Variants in SOAT1 observed in about 807,000 individuals in gnomAD.
SOAT1 encodes the protein sterol O-acyltransferase 1, also known as acyl-coenzyme A:cholesterol acyltransferase 1.
Under a neutral mutation model 69.5 loss-of-function variants are expected in SOAT1, and 55 were observed. That is an observed-to-expected ratio of 0.79 (90% CI 0.64 to 0.99). SOAT1 has a LOEUF of 0.99. Ranked by LOEUF, SOAT1 falls within the 50% of genes least tolerant of loss-of-function variation. The pLI is 0.00. For synonymous variants in SOAT1, 231 were observed against 224.7 expected (o/e 1.03, Z -0.25); for missense variants, 580 against 669.3 (o/e 0.87, Z 1.47).
chr1:179,355,285 CTTAAAA>C lies in SOAT1; in HGVS notation c.*1651_*1656del, dbSNP rs918020445. 6.6e-6 allele frequency: 1 copy of C among 152,046 alleles called. No individual in the cohort carries two copies. Among genetic ancestry groups the C allele is most frequent in the Non-Finnish European group, 1.5e-5 (1 of 67,994 alleles). The allele number at this position is 152,046 out of a possible 1,614,324, so 9.4% of individuals were successfully genotyped here. ...ATGGCTTGTAATTCTTGACATTTTT[CTTAAAA>C]TTAAAACGAATTTTTATTTTGAATT... On this transcript the variant is annotated 3_prime_UTR_variant, in exon 16 of 16. Transcript: ENST00000367619.
chr1:179,303,371 G>A (rs1024557862), intron 2 of SOAT1, among the ~76,000 whole-genome samples: 4 of 152,138 alleles, frequency 2.6e-5, no homozygotes, highest in African/African-American at 9.7e-5. Flanking sequence ...TTGTTGTTAA[G>A]GTCAAGGTTT....
intron 2 of SOAT1, among the ~76,000 whole-genome samples, chr1:179,311,966 TC>T: frequency 6.6e-6 from 1 of 152,332 alleles, no homozygotes. Flanking sequence ...GGCTACTCTT[TC>T]CTCTGACACA....
rs1666844526 is a variant in SOAT1 at position 179,354,460 on chromosome 1, A to G, written c.*819A>G. ...AATCATGTGTTTAAATTATTTTATC[A>G]CAAACTTAACATGGAAGATATTCCT... is the stretch of plus-strand genomic sequence containing the variant. On this transcript the variant is annotated 3_prime_UTR_variant, in exon 16 of 16. Transcript: ENST00000367619. 1 of 152,228 alleles carries G rather than the reference A, an allele frequency of 6.6e-6. No individual in the cohort carries two copies. The allele number at this position is 152,228 out of a possible 1,614,324, so 9.4% of individuals were successfully genotyped here. A position where few individuals can be genotyped will look rare whatever the true frequency, so the allele number is the denominator to read the frequency against.
chr1:179,312,026 A>G (rs1665236188), intron 2 of SOAT1, among the ~76,000 whole-genome samples: 1 of 152,204 alleles, frequency 6.6e-6, no homozygotes, highest in Non-Finnish European at 1.5e-5. Context: ...AGAAACATAG[A>G]AGACATTTAA....
Position 179,350,369 on chromosome 1 carries a change from C to G in SOAT1, c.1388C>G (p.Ala463Gly). The G allele has an allele frequency of 3.7e-6, 6 of 1,613,940 alleles. 1 individual carries two copies. Among genetic ancestry groups the G allele is most frequent in the Non-Finnish European group, 3.4e-6 (4 of 1,179,918 alleles). Reference protein sequence around the residue: ...FAVSAVVHEYALAVCLSFFYP... With the variant: ...FAVSAVVHEYGLAVCLSFFYP... ...GTATCTGCTGTAGTACACGAATATG[C>G]CTTGGCTGTTTGCTTGAGCTTTTTC... The change falls in exon 14 of 16, where the codon GCC (alanine) becomes GGC (glycine). Residue 463 changes from alanine (A) to glycine (G), a missense_variant. Coordinates refer to ENST00000367619, the MANE Select transcript of SOAT1 (RefSeq NM_003101.6).
At chr1:179,311,061 C>A (rs1411675372) in intron 2 of SOAT1, among the ~76,000 whole-genome samples, 1 of 151,980 alleles carries the variant, frequency 6.6e-6, no homozygotes, top group Non-Finnish European at 1.5e-5. Flanking sequence ...ATCTCAGTTT[C>A]TTTATTTTAA....
At chr1:179,316,797 T>C (rs967998248) in intron 2 of SOAT1, among the ~76,000 whole-genome samples, 1 of 152,206 alleles carries the variant, frequency 6.6e-6, no homozygotes, top group Non-Finnish European at 1.5e-5. Flanking sequence ...TCAAATATTA[T>C]CTCTCTGTAT....
intron 5 of SOAT1, 108 bp downstream of exon 5, chr1:179,338,004 C>A: frequency 1.5e-6 from 1 of 669,244 alleles, no homozygotes; most frequent in Non-Finnish European, 2.4e-6. Context: ...CTGTATAAAT[C>A]ATTAGTGGGT....
intron 1 of SOAT1, among the ~76,000 whole-genome samples, chr1:179,299,933 T>C (rs1006632599): frequency 6.6e-6 from 1 of 150,776 alleles, no homozygotes; most frequent in Non-Finnish European, 1.5e-5. Context: ...TTTTTTTTTT[T>C]TGTATTTTTC....
intron 11 of SOAT1, among the ~76,000 whole-genome samples, chr1:179,346,805 T>C (rs540629781): frequency 1.3e-5 from 2 of 152,212 alleles, no homozygotes; most frequent in Non-Finnish European, 2.9e-5. Context: ...TGCAGTAGCT[T>C]GCACCGGTAG....
rs538692121 is a variant in SOAT1 at position 179,345,885 on chromosome 1, C to T, written c.1117+809C>T. On this transcript the variant is annotated intron_variant, in intron 11 of 15. Transcript: ENST00000367619. ...ATTTCTTATTTTCCTCCTGTCTTTC[C>T]GACCATACCTTGATTTCTTAAATAT... 1.6e-4 allele frequency among the ~76,000 whole-genome samples: 24 copies of T among 151,126 alleles called. 1 individual carries two copies. The South Asian group carries it at 3.4e-3, about 21-fold the overall frequency.
At chr1:179,333,774 G>T (rs1183517343) in intron 3 of SOAT1, among the ~76,000 whole-genome samples, 1 of 145,256 alleles carries the variant, frequency 6.9e-6, no homozygotes, top group East Asian at 2.2e-4. Flanking sequence ...TGGAGGTTGC[G>T]GTGAGCTAGT....
chr1:179,324,491 A>G (rs1665711283), intron 3 of SOAT1, among the ~76,000 whole-genome samples: 1 of 152,220 alleles, frequency 6.6e-6, no homozygotes, highest in Non-Finnish European at 1.5e-5. Context: ...ACTGCAATGT[A>G]ATTCCTTATG....
At chr1:179,321,415 C>A (rs6425533) in intron 2 of SOAT1, among the ~76,000 whole-genome samples, 1 of 152,002 alleles carries the variant, frequency 6.6e-6, no homozygotes, top group Non-Finnish European at 1.5e-5. Context: ...ACTGATCCTC[C>A]CCACTTGGCC....
chr1:179,314,244 G>A (rs1188425666), intron 2 of SOAT1, among the ~76,000 whole-genome samples: 4 of 152,168 alleles, frequency 2.6e-5, no homozygotes, highest in Admixed American at 2.6e-4. Flanking sequence ...AGATCCTGAA[G>A]GGAGGGTTTG....
At chr1:179,327,076 C>T (rs935581746) in intron 3 of SOAT1, among the ~76,000 whole-genome samples, 3 of 152,180 alleles carry the variant, frequency 2.0e-5, no homozygotes, top group Non-Finnish European at 4.4e-5. Flanking sequence ...TTTATATACA[C>T]AATCTTACTT....
rs201449849 is a variant in SOAT1, at chr1:179,351,021, CTTTTTTTTTTTTTTTT to C, written c.1451-272_1451-257del. Among the ~76,000 whole-genome samples, 20 of 127,586 alleles carry C rather than the reference CTTTTTTTTTTTTTTTT, an allele frequency of 1.6e-4. 1 individual carries two copies. The highest frequency in any genetic ancestry group is 5.0e-4 in the South Asian group (2 of 4,032). The allele number at this position is 127,586 out of a possible 152,430, so 83.7% of individuals were successfully genotyped here. A position where few individuals can be genotyped will look rare whatever the true frequency, so the allele number is the denominator to read the frequency against. ...TGTTTTGATACCTGTATATTTCTTT[CTTTTTTTTTTTTTTTT>C]TTTTTTTTTTTTTTTTTTTTTTTGA... On this transcript the variant is annotated intron_variant, in intron 14 of 15. Transcript: ENST00000367619.
At chr1:179,344,920 T>TA in intron 10 of SOAT1, 27 bp from the exon 11 acceptor site, 1 of 1,612,744 alleles carries the variant, frequency 6.2e-7, no homozygotes, top group Non-Finnish European at 8.5e-7. Context: ...CCATCGTTAT[T>TA]ATAATTCTGT....
At chr1:179,343,541 G>A (rs1466373135) in intron 9 of SOAT1, 49 bp from the exon 10 acceptor site, 5 of 1,509,760 alleles carry the variant, frequency 3.3e-6, no homozygotes, top group Admixed American at 1.8e-5. Flanking sequence ...CTTTATTCAA[G>A]TTCAATTACT....
Sources: allele counts gnomAD v4.1 joint callset (sites outside exome capture counted in the v4.1 genomes callset), GRCh38; gene constraint gnomAD v4.1.1; transcripts MANE v1.5; gene names NCBI Gene and HGNC (gene_info 2026-07-23, HGNC 2026-07-21).